The following SDK2 variants were observed in gnomAD, a reference collection of about 807,000 sequenced individuals.
SDK2 encodes sidekick cell adhesion molecule 2, also known as protein sidekick-2.
Under a neutral mutation model 253.9 loss-of-function variants are expected in SDK2, and 105 were observed. That is an observed-to-expected ratio of 0.41 (90% CI 0.35 to 0.49). The LOEUF is 0.49. SDK2 is among the 20% of genes least tolerant of loss of function. The pLI is 0.06. For synonymous variants in SDK2, 1,249 were observed against 1,234.9 expected (o/e 1.01, Z -0.24); for missense variants, 2,608 against 3,003.0 (o/e 0.87, Z 3.07).
At chr17:73,620,548 A>C (rs1385404175) in intron 1 of SDK2, among the ~76,000 whole-genome samples, 1 of 152,228 alleles carries the variant, frequency 6.6e-6, no homozygotes, top group Non-Finnish European at 1.5e-5. Flanking sequence ...AGAACTGAGA[A>C]CAAGGTCTCA....
At chr17:73,537,508 C>T (rs1405591738) in intron 1 of SDK2, among the ~76,000 whole-genome samples, 2 of 152,094 alleles carry the variant, frequency 1.3e-5, no homozygotes, top group Non-Finnish European at 2.9e-5. Context: ...GGCTCCAGAG[C>T]TGCTGATGGA....
chr17:73,404,718 T>C (rs1354743655), intron 18 of SDK2, among the ~76,000 whole-genome samples: 1 of 152,180 alleles, frequency 6.6e-6, no homozygotes, highest in Non-Finnish European at 1.5e-5. Flanking sequence ...AGTTTCAGTG[T>C]TGATTTACCA....
chr17:73,526,458 G>T (rs1314773112), intron 1 of SDK2, among the ~76,000 whole-genome samples: 1 of 152,174 alleles, frequency 6.6e-6, no homozygotes, highest in Non-Finnish European at 1.5e-5. Flanking sequence ...TGCTTTGGAG[G>T]AGAAAATGCA....
chr17:73,552,940 C>T (rs1007883496), intron 1 of SDK2, among the ~76,000 whole-genome samples: 29 of 152,240 alleles, frequency 1.9e-4, no homozygotes, highest in African/African-American at 6.0e-4. Context: ...GGAGAGGAGC[C>T]GTAGAGGAGA....
intron 3 of SDK2, among the ~76,000 whole-genome samples, chr17:73,464,265 G>A (rs1249563827): frequency 1.3e-5 from 2 of 152,098 alleles, no homozygotes; most frequent in African/African-American, 4.8e-5. Context: ...TTGAATCATG[G>A]GGGTGGTTCC....
At chr17:73,509,012 C>T (rs1358943677) in intron 1 of SDK2, among the ~76,000 whole-genome samples, 2 of 152,216 alleles carry the variant, frequency 1.3e-5, no homozygotes, top group Non-Finnish European at 1.5e-5. Flanking sequence ...CAACTCCATG[C>T]ACCTTCCAGT....
intron 1 of SDK2, among the ~76,000 whole-genome samples, chr17:73,640,409 C>G (rs1447914798): frequency 6.6e-6 from 1 of 152,040 alleles, no homozygotes; most frequent in Non-Finnish European, 1.5e-5. Context: ...TATCCCTCAT[C>G]TAACCACTGC....
intron 1 of SDK2, chr17:73,521,105 A>G (rs973463327): frequency 1.7e-4 from 25 of 148,508 alleles, no homozygotes; most frequent in African/African-American, 6.2e-4. Flanking sequence ...TGGTGGTGCA[A>G]TCATAGCTCA....
In SDK2 at chr17:73,435,059, TTTC is replaced by T. The variant is rs2063356448; in HGVS notation, c.1195+388_1195+390del. Among the ~76,000 whole-genome samples, 1 of 152,086 alleles carries T rather than the reference TTTC, an allele frequency of 6.6e-6. No homozygotes were observed. The highest frequency in any genetic ancestry group is 2.4e-5 in the African/African-American group (1 of 41,410). On this transcript the variant is annotated intron_variant, in intron 9 of 44. Transcript: ENST00000392650. This position sits in a 1 kb window ranked among gnomAD's most constrained non-coding sequence, Gnocchi z 5.7. ...GGAGAACTAAGAGAAAAACACCAGT[TTTC>T]TTCTTTGGAAACATGAGCAGGTCTT...
rs148541631 is a variant in SDK2, at chr17:73,593,145, C to T, written c.64+50880G>A. The stretch of plus-strand genomic sequence containing the variant: ...CCAGCTCCTGCTGCAGGTCTTCCCT[C>T]GACAGGCTGGGTACCCCACCCCACC... On this transcript the variant is annotated intron_variant, in intron 1 of 44. Coordinates refer to ENST00000392650, the MANE Select transcript of SDK2 (RefSeq NM_001144952.2). Among the ~76,000 whole-genome samples, 481 of 152,260 alleles carry T rather than the reference C, an allele frequency of 3.2e-3. 3 individuals carry two copies. The highest frequency in any genetic ancestry group is 0.011 in the African/African-American group (461 of 41,532).
At chr17:73,550,241 C>A (rs1395318343) in intron 1 of SDK2, among the ~76,000 whole-genome samples, 1 of 152,106 alleles carries the variant, frequency 6.6e-6, no homozygotes. Context: ...GGCAGACTGC[C>A]AAGGTAGGAG....
rs1156266721 is a variant in SDK2 at position 73,483,543 on chromosome 17, A to G, written c.225-11325T>C. On this transcript the variant is annotated intron_variant, in intron 2 of 44. Coordinates refer to ENST00000392650, the MANE Select transcript of SDK2 (RefSeq NM_001144952.2). ...TGTGTATATATATATGTATGTATAT[A>G]TGTATGTATATGTGTATATGTATAT... 8.6e-5 allele frequency among the ~76,000 whole-genome samples: 12 copies of G among 140,194 alleles called. 1 individual carries two copies. The highest frequency in any genetic ancestry group is 3.2e-4 in the African/African-American group (12 of 37,376). The allele number at this position is 140,194 out of a possible 152,430, so 92.0% of individuals were successfully genotyped here.
At chr17:73,377,631 CTTT>C (rs1160933749) in intron 36 of SDK2, among the ~76,000 whole-genome samples, 1 of 138,534 alleles carries the variant, frequency 7.2e-6, no homozygotes. Context: ...CTGCTGCCTG[CTTT>C]TTTTTTTTTT....
intron 1 of SDK2, among the ~76,000 whole-genome samples, chr17:73,579,418 G>C (rs2045501938): frequency 6.6e-6 from 1 of 152,136 alleles, no homozygotes; most frequent in African/African-American, 2.4e-5. Context: ...GCAGCACCCT[G>C]CATCCTCTTA....
At chr17:73,357,863 T>A in intron 40 of SDK2, 1 of 720,766 alleles carries the variant, frequency 1.4e-6, no homozygotes, top group Non-Finnish European at 2.4e-6. Context: ...TAACAGCCGT[T>A]CTCTGGGGGC....
intron 21 of SDK2, among the ~76,000 whole-genome samples, chr17:73,400,531 C>T (rs114561882): frequency 0.033 from 5,013 of 152,154 alleles, 275 homozygotes; most frequent in African/African-American, 0.11. Context: ...CAGGGGAGCC[C>T]CTGTCCAGAG....
intron 1 of SDK2, among the ~76,000 whole-genome samples, chr17:73,630,467 C>T (rs2046254633): frequency 6.6e-6 from 1 of 151,860 alleles, no homozygotes; most frequent in Non-Finnish European, 1.5e-5. Context: ...CCATCCCGCC[C>T]TCCTCCCTCC....
At chr17:73,565,225 A>C (rs1459259044) in intron 1 of SDK2, among the ~76,000 whole-genome samples, 2 of 152,178 alleles carry the variant, frequency 1.3e-5, no homozygotes, top group African/African-American at 4.8e-5. Context: ...AGGAGACCTG[A>C]ATTCTGTATA....
chr17:73,474,599 C>T (rs935264691), intron 2 of SDK2, among the ~76,000 whole-genome samples: 5 of 152,334 alleles, frequency 3.3e-5, no homozygotes, highest in Admixed American at 2.6e-4. Flanking sequence ...CTACTGTGCG[C>T]AGTGTGATGG....
Sources: gnomAD v4.1 joint callset for allele counts (sites outside exome capture counted in the v4.1 genomes callset) on GRCh38, gnomAD v4.1.1 for gene constraint, Gnocchi (gnomAD v3.1) non-coding constraint, MANE v1.5 for transcripts, NCBI Gene and HGNC (gene_info 2026-07-23, HGNC 2026-07-21) for gene names.